SP140L: variants seen among roughly 807,000 people sequenced by gnomAD.
SP140L encodes SP140 like nuclear body protein.
A neutral mutation model predicts 84.3 loss-of-function variants in SP140L; 64 were observed. That is an observed-to-expected ratio of 0.76 (90% CI 0.62 to 0.94). The LOEUF (loss-of-function observed/expected upper bound fraction) is 0.94. Among genes scored for constraint, SP140L ranks in the 40% least tolerant of loss-of-function variants. The pLI is 0.00. For synonymous variants in SP140L, 242 were observed against 236.9 expected, an observed-to-expected ratio of 1.02 and a Z score of -0.20; for missense variants, 628 against 692.5, an observed-to-expected ratio of 0.91 and a Z score of 1.05.
At chr2:230,351,471 T>G (rs2060362462) in intron 2 of SP140L, among the ~76,000 whole-genome samples, 1 of 152,256 alleles carries the variant, frequency 6.6e-6, no homozygotes, top group South Asian at 2.1e-4. Flanking sequence ...CCTATTAATA[T>G]CAGGTATATT....
Position 230,360,936 on chromosome 2 carries a change from T to C in SP140L, c.440-678T>C, listed in dbSNP as rs1440482172. Among the ~76,000 whole-genome samples the C allele has an allele frequency of 8.4e-4, 128 of 152,174 alleles. 1 individual carries two copies. Among genetic ancestry groups the C allele is most frequent in the Non-Finnish European group, 2.5e-4 (17 of 68,022 alleles). On this transcript the variant is annotated intron_variant, in intron 4 of 18. Transcript: ENST00000415673. ...TCTTTAAAGCTGTTTGGGTTTTCTC[T>C]TTTAGTTTTTATTTAGGCATGTTTT...
intron 5 of SP140L, among the ~76,000 whole-genome samples, chr2:230,363,299 T>C (rs746408360): frequency 4.6e-5 from 7 of 152,226 alleles, no homozygotes; most frequent in Non-Finnish European, 1.0e-4. Flanking sequence ...GTACAAGAGT[T>C]TCCTTTTCAC....
chr2:230,370,499 A>G (rs933291954), intron 5 of SP140L, among the ~76,000 whole-genome samples: 1 of 152,232 alleles, frequency 6.6e-6, no homozygotes. Context: ...GAAGATAATA[A>G]AATACAAAAA....
chr2:230,381,711 TACACACACACACACAC>T (rs71052506), intron 7 of SP140L, among the ~76,000 whole-genome samples: 18 of 147,168 alleles, frequency 1.2e-4, no homozygotes, highest in East Asian at 4.2e-4. Context: ...CCTGTCTCTC[TACACACACACACACAC>T]ACACACACAC....
chr2:230,399,620 C>T (rs2062218985), intron 14 of SP140L, among the ~76,000 whole-genome samples: 1 of 152,178 alleles, frequency 6.6e-6, no homozygotes, highest in South Asian at 2.1e-4. Flanking sequence ...CCTCTAGGCA[C>T]AAAACCTACA....
At chr2:230,335,994 C>A (rs189741836) in intron 2 of SP140L, among the ~76,000 whole-genome samples, 6 of 152,238 alleles carry the variant, frequency 3.9e-5, no homozygotes, top group Non-Finnish European at 7.4e-5. Flanking sequence ...AAGCTGAACC[C>A]AATATGGCCA....
At chr2:230,354,917 A>AG (rs1379000399) in intron 2 of SP140L, among the ~76,000 whole-genome samples, 67 of 148,596 alleles carry the variant, frequency 4.5e-4, no homozygotes, top group African/African-American at 1.5e-3. Flanking sequence ...AGAAGAAAGA[A>AG]AAAGAAAGAA....
Position 230,401,374 on chromosome 2 carries a change from G to A in SP140L, c.1431G>A (p.Glu477=). ...QMCPEEQLKC[E]FLLLKVYCCS... ...GCCTCTTTCTTTTGCAGAAATGTGA[G>A]TTCCTCCTCTTGAAAGTCTATTGCT... Residue 477 remains glutamate (E), a synonymous_variant, in exon 17 of 19, where the codon GAG becomes GAA. Coordinates refer to ENST00000415673, the MANE Select transcript of SP140L (RefSeq NM_138402.6). The A allele has an allele frequency of 6.3e-7, 1 of 1,579,598 alleles. No individual in the cohort carries two copies. Among genetic ancestry groups the A allele is most frequent in the East Asian group, 2.2e-5 (1 of 44,646 alleles).
At chr2:230,359,443 G>T (rs2060647160) in intron 4 of SP140L, among the ~76,000 whole-genome samples, 1 of 152,042 alleles carries the variant, frequency 6.6e-6, no homozygotes, top group South Asian at 2.1e-4. Context: ...CTCTTTAGTG[G>T]GAGTTTTTGC....
intron 8 of SP140L, 79 bp from the exon 9 acceptor site, chr2:230,385,145 C>T: frequency 7.0e-7 from 1 of 1,419,272 alleles, no homozygotes; most frequent in Non-Finnish European, 9.8e-7. Context: ...CCCAGGACTC[C>T]CTCACTTGCG....
Position 230,388,568 on chromosome 2 carries a change from G to A in SP140L, c.794G>A (p.Arg265Lys). 1 of 1,608,648 alleles carries A rather than the reference G, an allele frequency of 6.2e-7. No homozygotes were observed. The change falls in exon 10 of 19, where the codon AGA (arginine) becomes AAA (lysine). Residue 265 changes from arginine (R) to lysine (K), a missense_variant. Coordinates refer to ENST00000415673, the MANE Select transcript of SP140L (RefSeq NM_138402.6). Reference protein sequence around the residue: ...KDLSKIRGRKRGKPGTHFTQS... With the variant: ...KDLSKIRGRKKGKPGTHFTQS... ...TATTCTACTTTCTCAGGGAGAAAGAGAGGCAAACCTGGAACCCACTTTACT... is the reference window on the plus strand; with the variant it reads ...TATTCTACTTTCTCAGGGAGAAAGAAAGGCAAACCTGGAACCCACTTTACT...
At chr2:230,366,198 G>A (rs1206975963) in intron 5 of SP140L, among the ~76,000 whole-genome samples, 2 of 152,082 alleles carry the variant, frequency 1.3e-5, no homozygotes, top group Non-Finnish European at 2.9e-5. Context: ...GATCTATCCA[G>A]TGCTGAAAGT....
chr2:230,351,270 C>T (rs185182415), intron 2 of SP140L, among the ~76,000 whole-genome samples: 2 of 152,366 alleles, frequency 1.3e-5, no homozygotes, highest in East Asian at 3.9e-4. Context: ...TCTTCTCCCA[C>T]ATGGCATAGT....
At chr2:230,388,300 T>C (rs1250907344) in intron 9 of SP140L, among the ~76,000 whole-genome samples, 1 of 152,242 alleles carries the variant, frequency 6.6e-6, no homozygotes, top group Non-Finnish European at 1.5e-5. Context: ...GAAGTATTTA[T>C]ACTGTTGTTT....
At chr2:230,385,359 G>C in intron 9 of SP140L, 55 bp downstream of exon 9, 3 of 1,515,792 alleles carry the variant, frequency 2.0e-6, no homozygotes, top group Non-Finnish European at 1.8e-6. Flanking sequence ...TGCACATGTT[G>C]AGGTTTTGAG....
At chr2:230,336,820 T>C (rs2059895897) in intron 2 of SP140L, among the ~76,000 whole-genome samples, 1 of 152,224 alleles carries the variant, frequency 6.6e-6, no homozygotes, top group Non-Finnish European at 1.5e-5. Flanking sequence ...TTCTACTACA[T>C]AGACTGGTAG....
At chr2:230,363,532 T>C (rs2060784440) in intron 5 of SP140L, among the ~76,000 whole-genome samples, 3 of 151,738 alleles carry the variant, frequency 2.0e-5, no homozygotes, top group Admixed American at 2.0e-4. Flanking sequence ...TTTTTTTTTT[T>C]AGTATGGAGT....
At chr2:230,395,861 C>T (rs1174829424) in intron 13 of SP140L, among the ~76,000 whole-genome samples, 1 of 152,190 alleles carries the variant, frequency 6.6e-6, no homozygotes, top group South Asian at 2.1e-4. Context: ...GACAGTCAAC[C>T]TGACATCTTG....
At chr2:230,365,789 C>T (rs977939828) in intron 5 of SP140L, among the ~76,000 whole-genome samples, 1 of 152,064 alleles carries the variant, frequency 6.6e-6, no homozygotes, top group African/African-American at 2.4e-5. Context: ...CTTCTTTGAA[C>T]TGCTTTTGCT....
Sources: allele counts gnomAD v4.1 joint callset (sites outside exome capture counted in the v4.1 genomes callset), GRCh38; gene constraint gnomAD v4.1.1; transcripts MANE v1.5; gene names NCBI Gene and HGNC (gene_info 2026-07-23, HGNC 2026-07-21).